The following COL9A1 variants were observed in gnomAD, a reference collection of about 807,000 sequenced individuals.
COL9A1 encodes collagen type IX alpha 1 chain.
Under a neutral mutation model 142.6 loss-of-function variants are expected in COL9A1, and 104 were observed. The observed-to-expected ratio is 0.73, with a 90% CI of 0.62 to 0.86. The LOEUF (loss-of-function observed/expected upper bound fraction) is 0.86. Among genes scored for constraint, COL9A1 ranks in the 40% least tolerant of loss-of-function variants. The probability of loss-of-function intolerance (pLI) is 0.00; values close to 1 mark genes in which losing one functional copy is unlikely to be tolerated. For missense variants in COL9A1, 1,210 were observed against 1,176.6 expected (o/e 1.03, Z -0.42); for synonymous variants, 466 against 396.0 (o/e 1.18, Z -2.10).
chr6:70,283,234 G>A (rs1255390546), intron 6 of COL9A1: 1 of 1,452,626 alleles, frequency 6.9e-7, no homozygotes, highest in African/African-American at 1.4e-5. Flanking sequence ...GAATGGCCCC[G>A]GAGAGGGTCC....
At position 70,273,963 on chromosome 6, in the gene COL9A1, A is replaced by C. The variant is rs187706293; in HGVS notation, c.1065+84T>G. 594 of 683,112 alleles carry C rather than the reference A, an allele frequency of 8.7e-4. 2 individuals are homozygous for C. In the African/African-American group the frequency reaches 0.011, roughly 12 times the overall value. 42.3% of individuals were successfully genotyped at this position (683,112 alleles called of 1,614,324 possible). On this transcript the variant is annotated intron_variant, in intron 12 of 37. Coordinates refer to ENST00000357250, the MANE Select transcript of COL9A1 (RefSeq NM_001851.6). Reference sequence around the variant, plus strand: ...TAATAATAAATAAATAAATAAATAAATAAATAAATAAAAAGATTTCACAAT... The same window carrying C: ...TAATAATAAATAAATAAATAAATAACTAAATAAATAAAAAGATTTCACAAT...
At chr6:70,217,252 T>C (rs565025254) in intron 37 of COL9A1, among the ~76,000 whole-genome samples, 171 bp from the exon 38 acceptor site, 1 of 152,198 alleles carries the variant, frequency 6.6e-6, no homozygotes, top group Admixed American at 6.5e-5. Context: ...GATAATAAGA[T>C]CCCTTCCTTG....
At position 70,253,421 on chromosome 6, in the gene COL9A1, A is replaced by T. The variant is rs9346373; in HGVS notation, c.1728T>A (p.Pro576=). Residue 576 remains proline (P), a synonymous_variant, in exon 26 of 38, where the codon CCT becomes CCA. Transcript: ENST00000357250. The stretch of plus-strand genomic sequence containing the variant: ...CAACACCCTTTGCACCAGGAATTCC[A>T]GGTACACCCTAAAAGAATACATACA... ...DAGLQGLPGV[P]GIPGAKGVAG... 7 of 1,605,060 alleles carry T rather than the reference A, an allele frequency of 4.4e-6. No individual in the cohort carries two copies. The highest frequency in any genetic ancestry group is 6.0e-6 in the Non-Finnish European group (7 of 1,172,584).
At position 70,241,847 on chromosome 6, in the gene COL9A1, G is replaced by C. The variant is rs1192139661; in HGVS notation, c.1998+117C>G. 16 of 844,280 alleles carry C rather than the reference G, an allele frequency of 1.9e-5. No individual in the cohort carries two copies. The East Asian group carries it at 4.3e-4, about 23-fold the overall frequency. The allele number at this position is 844,280 out of a possible 1,614,324, so 52.3% of individuals were successfully genotyped here. ...GTAATTTAAAATATCTTTCTTGATA[G>C]CTGTTTATGATAAATTCTAGAAAAT... is the stretch of plus-strand genomic sequence containing the variant. On this transcript the variant is annotated intron_variant, in intron 30 of 37. Coordinates refer to ENST00000357250, the MANE Select transcript of COL9A1 (RefSeq NM_001851.6).
intron 19 of COL9A1, among the ~76,000 whole-genome samples, 185 bp downstream of exon 19, chr6:70,263,059 A>G (rs1033026646): frequency 1.3e-5 from 2 of 152,178 alleles, no homozygotes; most frequent in African/African-American, 4.8e-5. Flanking sequence ...GCTAGAATAT[A>G]TAATGAAGAC....
rs1463251501 is a variant in COL9A1 at position 70,252,304 on chromosome 6, A to G, written c.1776T>C (p.Gly592=). ...KGVAGEKGST[G]APGKPGQMGN... is the part of the protein sequence containing the mutation. ...CCATCTGACCAGGCTTCCCTGGAGCACCTGTGCTACCCTAAGGGTAAAATG... is the reference window on the plus strand; with the variant it reads ...CCATCTGACCAGGCTTCCCTGGAGCGCCTGTGCTACCCTAAGGGTAAAATG... Residue 592 remains glycine, a synonymous_variant, in exon 27 of 38, where the codon GGT becomes GGC. Transcript: ENST00000357250. 2 of 1,614,140 alleles carry G rather than the reference A, an allele frequency of 1.2e-6. No homozygotes were observed. The highest frequency in any genetic ancestry group is 1.7e-6 in the Non-Finnish European group (2 of 1,179,980).
chr6:70,257,527 T>C (rs796613581), intron 20 of COL9A1, among the ~76,000 whole-genome samples: 5 of 152,146 alleles, frequency 3.3e-5, no homozygotes, highest in African/African-American at 1.2e-4. Context: ...GGTGGGGGGA[T>C]CACATGAGAC....
At chr6:70,222,734 A>T (rs1768958639) in intron 37 of COL9A1, 1 of 144,050 alleles carries the variant, frequency 6.9e-6, no homozygotes, top group South Asian at 2.2e-4. Context: ...GAATGATCCA[A>T]CTATCTTTTT....
At chr6:70,271,813 C>T (rs1772420501) in intron 13 of COL9A1, 105 bp from the exon 14 acceptor site, 1 of 1,215,654 alleles carries the variant, frequency 8.2e-7, no homozygotes, top group Admixed American at 2.0e-5. Flanking sequence ...TCTGTATTAG[C>T]TTTGGTTTCC....
intron 20 of COL9A1, among the ~76,000 whole-genome samples, chr6:70,257,048 A>AATTT (rs1562307548): frequency 1.9e-5 from 2 of 105,018 alleles, no homozygotes; most frequent in Non-Finnish European, 1.9e-5. Context: ...CCACTCTGTA[A>AATTT]TTTTTTTTTT....
At position 70,271,704 on chromosome 6, in the gene COL9A1, G is replaced by C; in HGVS notation, c.1094C>G (p.Pro365Arg). 6.2e-7 allele frequency: 1 copy of C among 1,613,680 alleles called. No individual in the cohort carries two copies. Among genetic ancestry groups the C allele is most frequent in the East Asian group, 2.2e-5 (1 of 44,868 alleles). ...PGRGIPGPPGPPGTAGLPGEL... is the reference protein window; with the variant it reads ...PGRGIPGPPGRPGTAGLPGEL... ...TCCAGGGAGTCCTGCTGTCCCAGGAGGACCCTGAAGTCAACAAATCAAAGC... is the reference window on the plus strand; with the variant it reads ...TCCAGGGAGTCCTGCTGTCCCAGGACGACCCTGAAGTCAACAAATCAAAGC... The change falls in exon 14 of 38, where the codon CCT becomes CGT. Residue 365 changes from proline (P) to arginine (R), a missense_variant. Physicochemically the swap from Pro to Arg is moderately radical, Grantham distance 103. Transcript: ENST00000357250.
At chr6:70,256,520 C>T (rs111928506) in intron 21 of COL9A1, among the ~76,000 whole-genome samples, 2 of 151,954 alleles carry the variant, frequency 1.3e-5, no homozygotes, top group African/African-American at 4.8e-5. Flanking sequence ...AAAAGGAAAA[C>T]ACGCAAACAT....
At chr6:70,260,971 T>C in intron 19 of COL9A1, 1 of 393,652 alleles carries the variant, frequency 2.5e-6, no homozygotes, top group Non-Finnish European at 4.6e-6. Context: ...AAAAAGTAAA[T>C]ACCAGCATAA....
At chr6:70,264,848 T>C (rs1771913517) in intron 18 of COL9A1, among the ~76,000 whole-genome samples, 1 of 152,116 alleles carries the variant, frequency 6.6e-6, no homozygotes, top group Non-Finnish European at 1.5e-5. Flanking sequence ...CCTATATTCA[T>C]AAACAGTTTT....
chr6:70,244,937 C>T (rs1770499059), intron 28 of COL9A1, among the ~76,000 whole-genome samples: 1 of 152,148 alleles, frequency 6.6e-6, no homozygotes, highest in South Asian at 2.1e-4. Context: ...ACTTGTGTAC[C>T]CATAAGAGTC....
intron 25 of COL9A1, among the ~76,000 whole-genome samples, 177 bp downstream of exon 25, chr6:70,254,298 TA>T (rs1771128763): frequency 6.6e-6 from 1 of 152,184 alleles, no homozygotes; most frequent in Admixed American, 6.5e-5. Flanking sequence ...ATTACACAAA[TA>T]GCTATTCAGA....
At chr6:70,275,867 T>G (rs1772727713) in intron 10 of COL9A1, among the ~76,000 whole-genome samples, 1 of 152,120 alleles carries the variant, frequency 6.6e-6, no homozygotes, top group Admixed American at 6.5e-5. Flanking sequence ...TTGAAAAATA[T>G]GAAAGCCCTA....
chr6:70,266,566 G>A (rs1339131727), intron 18 of COL9A1, 151 bp downstream of exon 18: 1 of 693,286 alleles, frequency 1.4e-6, no homozygotes, highest in South Asian at 1.7e-5. Context: ...GTCAAATATT[G>A]ATGCATCTGC....
downstream of COL9A1, chr6:70,216,121 A>C (rs1325242962): frequency 6.6e-6 from 1 of 152,640 alleles, no homozygotes; most frequent in Non-Finnish European, 1.5e-5. Context: ...AAAACATGCA[A>C]GAGATTAAGA....
Sources: allele counts gnomAD v4.1 joint callset (sites outside exome capture counted in the v4.1 genomes callset), GRCh38; gene constraint gnomAD v4.1.1; transcripts MANE v1.5; gene names NCBI Gene and HGNC (gene_info 2026-07-23, HGNC 2026-07-21).